The following NRXN3 variants were observed in gnomAD, a reference collection of about 807,000 sequenced individuals.
NRXN3 encodes the protein neurexin III.
NRXN3 carries 32 observed loss-of-function variants against 137.6 expected under a neutral mutation model. The observed-to-expected ratio is 0.23, with a 90% CI of 0.18 to 0.31. The LOEUF (loss-of-function observed/expected upper bound fraction) is 0.31, where lower values mean the gene tolerates loss of function less well. Among genes scored for constraint, NRXN3 ranks in the 10% least tolerant of loss-of-function variants. The probability of loss-of-function intolerance (pLI) is 1.00; values close to 1 mark genes in which losing one functional copy is unlikely to be tolerated. For synonymous variants in NRXN3, 798 were observed against 784.5 expected (o/e 1.02, Z -0.29); for missense variants, 1,574 against 2,062.5 (o/e 0.76, Z 4.59).
At chr14:79,290,778 T>C (rs1202100281) in intron 15 of NRXN3, among the ~76,000 whole-genome samples, 2 of 152,122 alleles carry the variant, frequency 1.3e-5, no homozygotes. Flanking sequence ...CAAGCGGTGA[T>C]AGGCAGCAAA....
intron 4 of NRXN3, among the ~76,000 whole-genome samples, chr14:78,325,048 A>G (rs1033425454): frequency 3.3e-5 from 5 of 152,068 alleles, no homozygotes; most frequent in Admixed American, 1.3e-4. Context: ...AGGCCGAGGC[A>G]GGTAGGAACA....
intron 15 of NRXN3, among the ~76,000 whole-genome samples, chr14:79,263,916 A>G (rs1380713027): frequency 6.6e-6 from 1 of 152,152 alleles, no homozygotes; most frequent in African/African-American, 2.4e-5. Context: ...TTGAACTCCA[A>G]GCTAAGAACT....
chr14:78,682,525 C>T (rs535045441), intron 6 of NRXN3, among the ~76,000 whole-genome samples: 2 of 152,106 alleles, frequency 1.3e-5, no homozygotes, highest in Non-Finnish European at 2.9e-5. Flanking sequence ...ACTTCAGCTA[C>T]TGTCTAGTCC....
chr14:78,358,598 C>T (rs569123641), intron 4 of NRXN3, among the ~76,000 whole-genome samples: 49 of 152,326 alleles, frequency 3.2e-4, no homozygotes, highest in South Asian at 8.3e-4. Context: ...GTCTTTACTA[C>T]GTCAGCTCAT....
chr14:79,813,738 G>A (rs879155759), intron 20 of NRXN3, among the ~76,000 whole-genome samples: 8 of 151,466 alleles, frequency 5.3e-5, no homozygotes, highest in East Asian at 3.9e-4. Context: ...TTTAATTTCC[G>A]TTTCTTTCCT....
At chr14:79,828,017 G>C (rs367776808) in intron 20 of NRXN3, among the ~76,000 whole-genome samples, 1 of 151,970 alleles carries the variant, frequency 6.6e-6, no homozygotes, top group African/African-American at 2.4e-5. Flanking sequence ...TTATATGACC[G>C]GATCTCACTG....
intron 15 of NRXN3, among the ~76,000 whole-genome samples, chr14:79,048,174 T>C (rs2099635876): frequency 6.6e-6 from 1 of 152,182 alleles, no homozygotes; most frequent in Admixed American, 6.5e-5. Flanking sequence ...AAAGAGTACA[T>C]ACTATATAAT....
At chr14:78,215,394 G>T (rs1028602609) in intron 1 of NRXN3, among the ~76,000 whole-genome samples, 4 of 152,126 alleles carry the variant, frequency 2.6e-5, no homozygotes, top group South Asian at 4.1e-4. Flanking sequence ...GCTCCTTTCA[G>T]CAGGAAGCTC....
At chr14:79,689,863 T>A (rs1398932033) in intron 17 of NRXN3, among the ~76,000 whole-genome samples, 1 of 152,166 alleles carries the variant, frequency 6.6e-6, no homozygotes, top group East Asian at 1.9e-4. Flanking sequence ...TACAGCTTCT[T>A]AATTAATTTG....
intron 1 of NRXN3, among the ~76,000 whole-genome samples, chr14:78,202,612 T>C (rs542803066): frequency 3.7e-4 from 56 of 152,274 alleles, no homozygotes; most frequent in African/African-American, 1.3e-3. Context: ...GGCTTTCTGT[T>C]TCTATGTGTG....
At chr14:78,176,113 C>A (rs148435955) in intron 1 of NRXN3, among the ~76,000 whole-genome samples, 128 of 152,258 alleles carry the variant, frequency 8.4e-4, no homozygotes, top group African/African-American at 2.5e-3. Context: ...CACTTGTGGC[C>A]TGTCTTCTGG....
At chr14:78,382,948 G>A (rs1297745336) in intron 4 of NRXN3, among the ~76,000 whole-genome samples, 6 of 152,096 alleles carry the variant, frequency 3.9e-5, no homozygotes, top group Admixed American at 3.9e-4. Flanking sequence ...ATCTCCCTCT[G>A]CTTATTATGG....
intron 19 of NRXN3, among the ~76,000 whole-genome samples, chr14:79,745,609 G>A (rs2098977350): frequency 6.6e-6 from 1 of 152,094 alleles, no homozygotes; most frequent in African/African-American, 2.4e-5. Flanking sequence ...TAAATTTGGG[G>A]TTACAAGAAA....
intron 1 of NRXN3, among the ~76,000 whole-genome samples, chr14:78,187,213 T>A (rs2060301471): frequency 6.6e-6 from 1 of 151,798 alleles, no homozygotes; most frequent in Non-Finnish European, 1.5e-5. Flanking sequence ...CCAAGATCTC[T>A]TAGCAAGTAT....
intron 4 of NRXN3, among the ~76,000 whole-genome samples, chr14:78,515,706 A>G (rs570423904): frequency 6.6e-6 from 1 of 152,080 alleles, no homozygotes; most frequent in Admixed American, 6.6e-5. Flanking sequence ...TGGGGCCGAG[A>G]TGACGAGTTT....
At chr14:78,581,334 G>A (rs765860762) in intron 4 of NRXN3, among the ~76,000 whole-genome samples, 14 of 152,170 alleles carry the variant, frequency 9.2e-5, no homozygotes, top group Admixed American at 2.0e-4. Context: ...CCAAGATCCA[G>A]GTGCTGGCAC....
intron 4 of NRXN3, among the ~76,000 whole-genome samples, chr14:78,507,691 G>A (rs944483976): frequency 1.3e-5 from 2 of 152,160 alleles, no homozygotes; most frequent in Non-Finnish European, 2.9e-5. Flanking sequence ...TAATGAAAAT[G>A]TGGCTGTTAG....
Position 79,090,640 on chromosome 14 carries a change from C to G in NRXN3, c.3262+102499C>G, listed in dbSNP as rs544973730. On this transcript the variant is annotated intron_variant, in intron 15 of 20. Transcript: ENST00000335750. ...CCCCACCCCTACCCCATCCTATGCA[C>G]TATTCAAAATCTTCATTCCCAGCCA... is the stretch of plus-strand genomic sequence containing the variant. Among the ~76,000 whole-genome samples the G allele has an allele frequency of 3.3e-5, 5 of 152,196 alleles. No individual in the cohort carries two copies. In the South Asian group the frequency reaches 6.2e-4, roughly 19 times the overall value.
intron 8 of NRXN3, among the ~76,000 whole-genome samples, chr14:78,741,559 A>T (rs2098572606): frequency 6.6e-6 from 1 of 152,236 alleles, no homozygotes; most frequent in Non-Finnish European, 1.5e-5. Context: ...TATTTAATGC[A>T]TACAACTTGA....
Sources: allele counts gnomAD v4.1 joint callset (sites outside exome capture counted in the v4.1 genomes callset), GRCh38; gene constraint gnomAD v4.1.1; transcripts MANE v1.5; gene names NCBI Gene and HGNC (gene_info 2026-07-23, HGNC 2026-07-21).